The following SIDT1 variants were observed in gnomAD, a reference collection of about 807,000 sequenced individuals.
SIDT1 encodes SID1 transmembrane family, member 1.
A neutral mutation model predicts 107.5 loss-of-function variants in SIDT1; 101 were observed. The ratio of observed to expected loss-of-function variants is 0.94; its 90% confidence interval spans 0.80 to 1.11. The LOEUF is 1.11. Among genes scored for constraint, SIDT1 ranks in the 50% least tolerant of loss-of-function variants. The pLI is 0.00. For synonymous variants in SIDT1, 395 were observed against 398.2 expected (o/e 0.99, Z 0.10); for missense variants, 1,076 against 1,058.2 (o/e 1.02, Z -0.23).
chr3:113,571,448 A>G (rs1237950169), intron 3 of SIDT1, among the ~76,000 whole-genome samples: 1 of 147,536 alleles, frequency 6.8e-6, no homozygotes, highest in Non-Finnish European at 1.5e-5. Context: ...AAACAACTCT[A>G]CTTTAAAGCA....
At chr3:113,596,006 C>A (rs535383664) in intron 10 of SIDT1, among the ~76,000 whole-genome samples, 1 of 152,288 alleles carries the variant, frequency 6.6e-6, no homozygotes, top group Non-Finnish European at 1.5e-5. Flanking sequence ...AGGGAAGAAA[C>A]AAGGATACAG....
In SIDT1 at chr3:113,550,154, A is replaced by C. The variant is rs77054541; in HGVS notation, c.223-16266A>C. ...GCTGCCAGCATTGCTAAACTCTACC[A>C]TTCTCTTACCACTCCCTTTCCCTAT... On this transcript the variant is annotated intron_variant, in intron 1 of 24. Coordinates refer to ENST00000264852, the MANE Select transcript of SIDT1 (RefSeq NM_017699.3). Among the ~76,000 whole-genome samples the C allele has an allele frequency of 7.7e-3, 1,169 of 152,170 alleles. 13 individuals are homozygous for C. The highest frequency in any genetic ancestry group is 0.018 in the African/African-American group (754 of 41,496).
intron 1 of SIDT1, among the ~76,000 whole-genome samples, chr3:113,534,301 G>A (rs561940531): frequency 2.0e-5 from 3 of 152,312 alleles, no homozygotes; most frequent in South Asian, 2.1e-4. Flanking sequence ...TTCCCAAAGT[G>A]AGGGTGGTTT....
chr3:113,543,006 A>G (rs1247760354), intron 1 of SIDT1, among the ~76,000 whole-genome samples: 2 of 151,318 alleles, frequency 1.3e-5, no homozygotes, highest in Non-Finnish European at 2.9e-5. Flanking sequence ...CAGTGGCGCG[A>G]TCTTGGCTCA....
At chr3:113,566,323 T>G in intron 1 of SIDT1, 97 bp from the exon 2 acceptor site, 5 of 1,150,906 alleles carry the variant, frequency 4.3e-6, no homozygotes, top group Non-Finnish European at 6.2e-6. Flanking sequence ...CTATGGTGTG[T>G]GTGTTTGTGT....
intron 1 of SIDT1, among the ~76,000 whole-genome samples, chr3:113,537,007 A>G (rs1318375017): frequency 6.6e-6 from 1 of 152,250 alleles, no homozygotes; most frequent in Non-Finnish European, 1.5e-5. Flanking sequence ...GCACAAATGC[A>G]GGTTTACTGG....
downstream of SIDT1, among the ~76,000 whole-genome samples, chr3:113,634,482 C>A (rs1947111467): frequency 6.6e-6 from 1 of 152,014 alleles, no homozygotes; most frequent in Non-Finnish European, 1.5e-5. Context: ...CATGACAAAA[C>A]CCCATCTCTA....
rs1023680179 is a variant in SIDT1 at position 113,610,696 on chromosome 3, T to C, written c.1721-312T>C. ...TGAACACCAGCATCTAAAACGCAAG[T>C]GGGGGTAGTTGTTTGTTTATCATAT... is the stretch of plus-strand genomic sequence containing the variant. On this transcript the variant is annotated intron_variant, in intron 17 of 24. Transcript: ENST00000264852. Among the ~76,000 whole-genome samples, 15 of 152,116 alleles carry C rather than the reference T, an allele frequency of 9.9e-5. No individual in the cohort carries two copies. The East Asian group carries it at 1.7e-3, about 18-fold the overall frequency.
At position 113,597,760 on chromosome 3, in the gene SIDT1, A is replaced by G. The variant is rs139203045; in HGVS notation, c.1046-3828A>G. ...AGATGCAGGGGGCTCAAGCTCAGAG[A>G]AACACATATCAAAACAAGTTTCCTC... On this transcript the variant is annotated intron_variant, in intron 10 of 24. Coordinates refer to ENST00000264852, the MANE Select transcript of SIDT1 (RefSeq NM_017699.3). 5.6e-3 allele frequency among the ~76,000 whole-genome samples: 857 copies of G among 152,348 alleles called. 7 individuals carry two copies. The highest frequency in any genetic ancestry group is 0.019 in the African/African-American group (803 of 41,582).
chr3:113,603,354 A>G (rs1267571711), intron 12 of SIDT1, among the ~76,000 whole-genome samples: 1 of 152,158 alleles, frequency 6.6e-6, no homozygotes, highest in Non-Finnish European at 1.5e-5. Context: ...AAGTGAGCAC[A>G]TTAAAGAGCA....
intron 10 of SIDT1, among the ~76,000 whole-genome samples, chr3:113,600,184 C>A (rs1246499253): frequency 6.6e-6 from 1 of 151,964 alleles, no homozygotes; most frequent in Non-Finnish European, 1.5e-5. Flanking sequence ...GTGATGTGCA[C>A]CTGTAGTCCC....
At chr3:113,627,007 C>T (rs1418450863) in intron 24 of SIDT1, among the ~76,000 whole-genome samples, 3 of 152,160 alleles carry the variant, frequency 2.0e-5, no homozygotes, top group African/African-American at 7.2e-5. Context: ...ATAAACAGTC[C>T]TTACGTCTTT....
rs1481573853 is a variant in SIDT1 at position 113,581,396 on chromosome 3, T to C, written c.699T>C (p.Phe233=). 5 of 1,613,576 alleles carry C rather than the reference T, an allele frequency of 3.1e-6. No individual in the cohort carries two copies. Among genetic ancestry groups the C allele is most frequent in the Non-Finnish European group, 4.2e-6 (5 of 1,179,850 alleles). ...ATGATCTCGACCACAATGTGGAATT[T>C]AATGGTGTCTATCAGTCCATGACCA... ...PVYDLDHNVE[F]NGVYQSMTKK... Residue 233 remains phenylalanine (F), a synonymous_variant, in exon 6 of 25, where the codon TTT becomes TTC. Coordinates refer to ENST00000264852, the MANE Select transcript of SIDT1 (RefSeq NM_017699.3).
At chr3:113,609,398 G>T (rs368236325) in intron 17 of SIDT1, among the ~76,000 whole-genome samples, 1 of 152,042 alleles carries the variant, frequency 6.6e-6, no homozygotes, top group Admixed American at 6.6e-5. Context: ...TTCTCTAAGC[G>T]CTGGTTAGCT....
In SIDT1 at chr3:113,628,342, T is replaced by A. The variant is rs1461392301; in HGVS notation, c.*634T>A. The A allele has an allele frequency of 6.5e-6, 1 of 153,026 alleles. No individual in the cohort carries two copies. The highest frequency in any genetic ancestry group is 1.5e-5 in the Non-Finnish European group (1 of 68,388). 9.5% of individuals were successfully genotyped at this position (153,026 alleles called of 1,614,324 possible). A position where few individuals can be genotyped will look rare whatever the true frequency, so the allele number is the denominator to read the frequency against. ...GCTCAGGAGTGGGGTTTGTCACACA[T>A]TCCTCTTAACAAGTAACTGTCACTG... On this transcript the variant is annotated 3_prime_UTR_variant, in exon 25 of 25. Coordinates refer to ENST00000264852, the MANE Select transcript of SIDT1 (RefSeq NM_017699.3).
At chr3:113,563,871 C>T (rs1438710428) in intron 1 of SIDT1, among the ~76,000 whole-genome samples, 1 of 151,782 alleles carries the variant, frequency 6.6e-6, no homozygotes, top group Admixed American at 6.6e-5. Flanking sequence ...GAGAAGGCTT[C>T]GTGACTTAGA....
At chr3:113,591,441 A>G (rs1352551371) in intron 9 of SIDT1, among the ~76,000 whole-genome samples, 1 of 152,238 alleles carries the variant, frequency 6.6e-6, no homozygotes, top group Non-Finnish European at 1.5e-5. Flanking sequence ...AACTGATCCT[A>G]AAATTCATAT....
chr3:113,622,545 T>A (rs1016458148), intron 21 of SIDT1, among the ~76,000 whole-genome samples: 1 of 150,020 alleles, frequency 6.7e-6, no homozygotes, highest in Non-Finnish European at 1.5e-5. Flanking sequence ...ATATTATAAC[T>A]GAATAGAAAT....
intron 9 of SIDT1, among the ~76,000 whole-genome samples, chr3:113,591,216 C>T (rs1246030939): frequency 6.6e-6 from 1 of 152,196 alleles, no homozygotes; most frequent in Non-Finnish European, 1.5e-5. Context: ...TACAGCCCTG[C>T]TGACACCTTT....
Sources: allele counts gnomAD v4.1 joint callset (sites outside exome capture counted in the v4.1 genomes callset), GRCh38; gene constraint gnomAD v4.1.1; transcripts MANE v1.5; gene names NCBI Gene and HGNC (gene_info 2026-07-23, HGNC 2026-07-21).